The following CUX2 variants were observed in gnomAD, a reference collection of about 807,000 sequenced individuals.
CUX2 encodes homeobox protein cut-like 2.
A neutral mutation model predicts 144.8 loss-of-function variants in CUX2; 40 were observed. That is an observed-to-expected ratio of 0.28 (90% CI 0.21 to 0.36). The LOEUF (loss-of-function observed/expected upper bound fraction) is 0.36, where lower values mean the gene tolerates loss of function less well. Among genes scored for constraint, CUX2 ranks in the 10% least tolerant of loss-of-function variants. CUX2 has a pLI of 1.00. For synonymous variants in CUX2, 827 were observed against 875.6 expected, an observed-to-expected ratio of 0.94 and a Z score of 0.98; for missense variants, 1,615 against 1,994.0, an observed-to-expected ratio of 0.81 and a Z score of 3.62.
At chr12:111,335,266 G>C (rs572239433) in intron 19 of CUX2, among the ~76,000 whole-genome samples, 2 of 151,936 alleles carry the variant, frequency 1.3e-5, no homozygotes, top group African/African-American at 4.8e-5. Context: ...GGTGGCACAT[G>C]CCTGTAGTCC....
chr12:111,175,026 C>A (rs181821039), intron 1 of CUX2, among the ~76,000 whole-genome samples: 3 of 152,152 alleles, frequency 2.0e-5, no homozygotes, highest in Admixed American at 6.5e-5. Context: ...GCAGCTCCCC[C>A]CCACACACAG....
chr12:111,098,633 A>G (rs1010758326), intron 1 of CUX2, among the ~76,000 whole-genome samples: 1 of 152,196 alleles, frequency 6.6e-6, no homozygotes, highest in Admixed American at 6.5e-5. Context: ...ATATGGTGAC[A>G]TGTTAACGGG....
Position 111,293,493 on chromosome 12 carries a change from A to G in CUX2, c.484A>G (p.Ser162Gly). 6.2e-7 allele frequency: 1 copy of G among 1,608,422 alleles called. No homozygotes were observed. Among genetic ancestry groups the G allele is most frequent in the African/African-American group, 1.3e-5 (1 of 75,006 alleles). Residue 162 changes from serine (S) to glycine (G), a missense_variant, in exon 6 of 22, where the codon AGC (serine) becomes GGC (glycine). This residue lies in a region of CUX2 where 295 missense variants were observed against 400.2 expected (regional missense o/e 0.74). Coordinates refer to ENST00000261726, the MANE Select transcript of CUX2 (RefSeq NM_015267.4). This position sits in a 1 kb window ranked among gnomAD's most constrained non-coding sequence, Gnocchi z 4.5. ...SPAGPTLTEG[S>G]RLPGIPGKAL... ...TGCCGGGCCCACGCTGACCGAGGGAAGCCGCCTCCCAGGCATTCCCGGGAA... is the reference window on the plus strand; with the variant it reads ...TGCCGGGCCCACGCTGACCGAGGGAGGCCGCCTCCCAGGCATTCCCGGGAA...
intron 1 of CUX2, among the ~76,000 whole-genome samples, chr12:111,181,196 CA>C (rs563760611): frequency 8.4e-4 from 128 of 152,346 alleles, no homozygotes; most frequent in Middle Eastern, 3.4e-3. Context: ...CTGAGGAACA[CA>C]GGAGTTTCAT....
intron 1 of CUX2, among the ~76,000 whole-genome samples, chr12:111,192,126 A>G (rs1407555063): frequency 1.3e-5 from 2 of 151,582 alleles, no homozygotes; most frequent in Non-Finnish European, 2.9e-5. Flanking sequence ...TTATTTGTTT[A>G]TTTATTTATT....
intron 4 of CUX2, among the ~76,000 whole-genome samples, chr12:111,264,886 C>A (rs944009920): frequency 7.7e-6 from 1 of 129,528 alleles, no homozygotes; most frequent in South Asian, 2.7e-4. Flanking sequence ...AACAGGCAAG[C>A]CGTAGATAAG....
chr12:111,093,463 A>C (rs916342702), intron 1 of CUX2, among the ~76,000 whole-genome samples: 1 of 152,108 alleles, frequency 6.6e-6, no homozygotes, highest in Non-Finnish European at 1.5e-5. Flanking sequence ...TTTATAATAG[A>C]CAAGCCTCGT....
chr12:111,116,526 A>G (rs767095064), intron 1 of CUX2, among the ~76,000 whole-genome samples: 1 of 152,202 alleles, frequency 6.6e-6, no homozygotes, highest in African/African-American at 2.4e-5. Flanking sequence ...GAGCATTTCT[A>G]TGGAAGACTT....
chr12:111,302,145 G>T (rs1405041502), intron 9 of CUX2, among the ~76,000 whole-genome samples: 1 of 152,176 alleles, frequency 6.6e-6, no homozygotes, highest in Non-Finnish European at 1.5e-5. Context: ...GAATGTGTAT[G>T]GGTCTCAATA....
chr12:111,245,059 C>A (rs1404712716), intron 3 of CUX2, among the ~76,000 whole-genome samples: 4 of 152,130 alleles, frequency 2.6e-5, no homozygotes, highest in Non-Finnish European at 5.9e-5. Context: ...TCCAAGCCCC[C>A]CTACTCTGAG....
At chr12:111,232,347 T>G (rs888313879) in intron 3 of CUX2, among the ~76,000 whole-genome samples, 4 of 151,870 alleles carry the variant, frequency 2.6e-5, no homozygotes, top group Non-Finnish European at 5.9e-5. Context: ...ACAAAAATTT[T>G]TTAAAAATTA....
At chr12:111,060,269 A>G (rs1222865105) in intron 1 of CUX2, among the ~76,000 whole-genome samples, 1 of 152,212 alleles carries the variant, frequency 6.6e-6, no homozygotes, top group Non-Finnish European at 1.5e-5. Context: ...TCCCCCAGCC[A>G]GGGTTAAATT....
intron 8 of CUX2, among the ~76,000 whole-genome samples, chr12:111,298,007 C>T (rs1334224618): frequency 6.6e-6 from 1 of 152,136 alleles, no homozygotes; most frequent in Non-Finnish European, 1.5e-5. Flanking sequence ...GCAGGAACAG[C>T]TTGAGCCAAG....
At chr12:111,229,024 G>A (rs546678578) in intron 3 of CUX2, among the ~76,000 whole-genome samples, 1 of 152,256 alleles carries the variant, frequency 6.6e-6, no homozygotes, top group East Asian at 1.9e-4. Context: ...GATCAGATGA[G>A]GTAATAGATA....
intron 1 of CUX2, among the ~76,000 whole-genome samples, chr12:111,189,519 A>G (rs1879750821): frequency 6.6e-6 from 1 of 152,222 alleles, no homozygotes. Flanking sequence ...TTGTTGTGGT[A>G]GTTGATTCAT....
intron 1 of CUX2, among the ~76,000 whole-genome samples, chr12:111,074,297 G>A (rs377744255): frequency 2.0e-5 from 3 of 152,072 alleles, no homozygotes; most frequent in African/African-American, 7.3e-5. Context: ...CAGGTCTCTC[G>A]AAACAGATTG....
chr12:111,209,577 G>T (rs1272157927), intron 1 of CUX2, among the ~76,000 whole-genome samples: 3 of 152,190 alleles, frequency 2.0e-5, no homozygotes, highest in Non-Finnish European at 2.9e-5. Flanking sequence ...TTGGACAGCA[G>T]TGACCTGAGC....
intron 3 of CUX2, among the ~76,000 whole-genome samples, chr12:111,261,427 A>T (rs1035806145): frequency 8.1e-6 from 1 of 123,114 alleles, no homozygotes; most frequent in African/African-American, 3.2e-5. Context: ...CTCAGGGCTC[A>T]CAGGAGCCAC....
At chr12:111,270,857 G>A (rs1884613309) in intron 4 of CUX2, among the ~76,000 whole-genome samples, 1 of 152,104 alleles carries the variant, frequency 6.6e-6, no homozygotes, top group African/African-American at 2.4e-5. Context: ...TCAGTGCCCA[G>A]GCTATAGAGG....
Sources: allele counts gnomAD v4.1 joint callset (sites outside exome capture counted in the v4.1 genomes callset), GRCh38; gene constraint gnomAD v4.1.1; regional missense constraint gnomAD v4.1.1; non-coding constraint Gnocchi (gnomAD v3.1); transcripts MANE v1.5; gene names NCBI Gene and HGNC (gene_info 2026-07-23, HGNC 2026-07-21).